The following CCDC93 variants were observed in gnomAD, a reference collection of about 807,000 sequenced individuals.
CCDC93 encodes CCC complex scaffolding subunit CCDC93.
A neutral mutation model predicts 108.2 loss-of-function variants in CCDC93; 61 were observed. The ratio of observed to expected loss-of-function variants is 0.56; its 90% CI spans 0.46 to 0.70. The LOEUF (loss-of-function observed/expected upper bound fraction) is 0.70, where lower values mean the gene tolerates loss of function less well. Ranked by LOEUF, CCDC93 falls within the 30% of genes least tolerant of loss-of-function variation. The pLI is 0.00. For missense variants in CCDC93, 685 were observed against 764.2 expected (o/e 0.90, Z 1.22); for synonymous variants, 276 against 260.4 (o/e 1.06, Z -0.58).
intron 13 of CCDC93, chr2:117,950,498 C>T: frequency 1.0e-6 from 1 of 985,434 alleles, no homozygotes; most frequent in Non-Finnish European, 1.2e-6. Context: ...CTGCAACCCT[C>T]CATGCCCAGC....
intron 6 of CCDC93, among the ~76,000 whole-genome samples, chr2:117,989,128 T>A (rs1680403085): frequency 6.6e-6 from 1 of 152,220 alleles, no homozygotes; most frequent in East Asian, 1.9e-4. Flanking sequence ...AATCAGACTT[T>A]TTGTCATTTA....
chr2:117,938,440 C>T (rs1028587673), intron 20 of CCDC93, among the ~76,000 whole-genome samples: 5 of 151,684 alleles, frequency 3.3e-5, no homozygotes, highest in Non-Finnish European at 7.4e-5. Flanking sequence ...TGCTAGATGA[C>T]GAGTTAGTGG....
chr2:117,949,067 T>C (rs539941077), intron 14 of CCDC93, among the ~76,000 whole-genome samples: 21 of 152,068 alleles, frequency 1.4e-4, no homozygotes, highest in East Asian at 5.8e-4. Context: ...TTTTGAAAAA[T>C]AGAAAAACAA....
At chr2:117,982,232 C>T (rs192195075) in intron 7 of CCDC93, among the ~76,000 whole-genome samples, 25 of 152,184 alleles carry the variant, frequency 1.6e-4, no homozygotes, top group African/African-American at 6.0e-4. Flanking sequence ...GTGCTCCAAA[C>T]CTCCTCTTGC....
rs1677794365 is a variant in CCDC93 at position 117,919,575 on chromosome 2, G to A, written c.*768C>T. On this transcript the variant is annotated 3_prime_UTR_variant, in exon 24 of 24. Transcript: ENST00000376300. ...GATGCACAGCCCCTCTGCATGCTGT[G>A]ACTCACATGAACATTGGGGCAGGGG... The A allele has an allele frequency of 2.0e-5, 3 of 152,194 alleles. No individual in the cohort carries two copies. The allele number at this position is 152,194 out of a possible 1,614,324, so 9.4% of individuals were successfully genotyped here.
At chr2:117,986,631 T>C (rs946382412) in intron 6 of CCDC93, among the ~76,000 whole-genome samples, 1 of 152,222 alleles carries the variant, frequency 6.6e-6, no homozygotes, top group Admixed American at 6.5e-5. Flanking sequence ...ATTGGAATTG[T>C]TCCCCATGGA....
chr2:117,926,654 G>A lies in CCDC93; in HGVS notation c.1842+4383C>T, dbSNP rs974688167. On this transcript the variant is annotated intron_variant, in intron 23 of 23. Coordinates refer to ENST00000376300, the MANE Select transcript of CCDC93 (RefSeq NM_019044.5). ...AGCTTACCAACCAAAAAAAGTCCAG[G>A]ACCAGATGGATTCACAGCCAAATTC... 7.6e-4 allele frequency among the ~76,000 whole-genome samples: 116 copies of A among 152,238 alleles called. 2 individuals are homozygous for A. Among genetic ancestry groups the A allele is most frequent in the Non-Finnish European group, 9.4e-4 (64 of 68,022 alleles).
intron 1 of CCDC93, among the ~76,000 whole-genome samples, chr2:118,012,311 G>C (rs1190471297): frequency 1.3e-5 from 2 of 152,020 alleles, no homozygotes; most frequent in African/African-American, 4.8e-5. Flanking sequence ...GAATTAACTG[G>C]TCTAGTGACA....
intron 13 of CCDC93, chr2:117,950,188 C>A (rs1679008855): frequency 2.0e-6 from 2 of 985,056 alleles, no homozygotes; most frequent in Middle Eastern, 5.2e-4. Context: ...GAGGTGGTAA[C>A]CCGAAATTTT....
intron 18 of CCDC93, among the ~76,000 whole-genome samples, chr2:117,943,282 G>A (rs1315210348): frequency 6.6e-6 from 1 of 152,208 alleles, no homozygotes; most frequent in Non-Finnish European, 1.5e-5. Context: ...TTAGTTATGG[G>A]ACCTGATCCA....
At position 117,920,121 on chromosome 2, in the gene CCDC93, G is replaced by A. The variant is rs561983022; in HGVS notation, c.*222C>T. On this transcript the variant is annotated 3_prime_UTR_variant, in exon 24 of 24. Transcript: ENST00000376300. The stretch of plus-strand genomic sequence containing the variant: ...ACAAGTACTCCCTATATTCTTCATA[G>A]GATGATGGGTGTTATCCAAGCCACG... 6.6e-6 allele frequency: 3 copies of A among 452,912 alleles called. No homozygotes were observed. In the South Asian group the frequency reaches 1.3e-4, roughly 20 times the overall value. The allele number at this position is 452,912 out of a possible 1,614,324, so 28.1% of individuals were successfully genotyped here.
chr2:118,002,975 C>T (rs1676752843), intron 3 of CCDC93, among the ~76,000 whole-genome samples: 1 of 152,190 alleles, frequency 6.6e-6, no homozygotes, highest in East Asian at 1.9e-4. Flanking sequence ...GCGTTTGAGG[C>T]TGCAGAGAGC....
chr2:117,916,462 C>A lies in CCDC93; in HGVS notation c.*3881G>T, dbSNP rs1353760846. The A allele has an allele frequency of 6.6e-6, 1 of 152,178 alleles. No individual in the cohort carries two copies. The highest frequency in any genetic ancestry group is 6.5e-5 in the Admixed American group (1 of 15,272). The allele number at this position is 152,178 out of a possible 1,614,324, so 9.4% of individuals were successfully genotyped here. On this transcript the variant is annotated 3_prime_UTR_variant, in exon 24 of 24. Transcript: ENST00000376300. ...GAGAGACCCTCTAAAGTTGTGAAAA[C>A]TGTTCTCAAACTAAGCATCAAGTAG...
chr2:117,940,708 G>C (rs1678674008), intron 19 of CCDC93, among the ~76,000 whole-genome samples: 1 of 152,172 alleles, frequency 6.6e-6, no homozygotes, highest in South Asian at 2.1e-4. Flanking sequence ...TGGCAGCCTT[G>C]AGGGCCATTC....
intron 7 of CCDC93, among the ~76,000 whole-genome samples, chr2:117,984,261 C>T (rs1194760055): frequency 2.0e-5 from 3 of 152,240 alleles, no homozygotes; most frequent in African/African-American, 7.2e-5. Flanking sequence ...CCACCCTAGC[C>T]GTAGAAATTA....
At position 117,946,835 on chromosome 2, in the gene CCDC93, C is replaced by G. The variant is rs1449756928; in HGVS notation, c.1272G>C (p.Glu424Asp). The change falls in exon 16 of 24, where the codon GAG (glutamate) becomes GAC (aspartate). Residue 424 changes from glutamate to aspartate, a missense_variant. Physicochemically the swap from Glu to Asp is conservative, Grantham distance 45. Coordinates refer to ENST00000376300, the MANE Select transcript of CCDC93 (RefSeq NM_019044.5). ...LQQEIENLKA[E>D]RAPRGDEKTL... ...CCTTTTCATCTCCACGTGGTGCTCT[C>G]TCAGCTTTCAGGTTTTCAATTTCTT... The G allele has an allele frequency of 6.2e-7, 1 of 1,613,696 alleles. No homozygotes were observed. Among genetic ancestry groups the G allele is most frequent in the Non-Finnish European group, 8.5e-7 (1 of 1,179,532 alleles).
intron 11 of CCDC93, among the ~76,000 whole-genome samples, chr2:117,963,331 T>C (rs1004533455): frequency 6.6e-6 from 1 of 152,210 alleles, no homozygotes; most frequent in Non-Finnish European, 1.5e-5. Context: ...CTCTTTCAGA[T>C]AACAGTTCAA....
At chr2:117,944,593 CAATGAGACATGGCTG>C in intron 17 of CCDC93, 1 of 384,606 alleles carries the variant, frequency 2.6e-6, no homozygotes, top group Non-Finnish European at 5.3e-6. Flanking sequence ...TTGAACCCAG[CAATGAGACATGGCTG>C]GATGAGACAT....
At position 117,986,031 on chromosome 2, in the gene CCDC93, C is replaced by T; in HGVS notation, c.558G>A (p.Gln186=). 6.2e-7 allele frequency: 1 copy of T among 1,613,892 alleles called. No individual in the cohort carries two copies. Among genetic ancestry groups the T allele is most frequent in the Non-Finnish European group, 8.5e-7 (1 of 1,179,804 alleles). ...YKPRRKYKRH[Q]GAEELLDEES... Reference sequence around the variant, plus strand: ...CTTCATCAAGTAGCTCCTCTGCTCCCTGGTGGCGTTTGTATTTCCGACGGG... The same window carrying T: ...CTTCATCAAGTAGCTCCTCTGCTCCTTGGTGGCGTTTGTATTTCCGACGGG... The change falls in exon 7 of 24, where the codon CAG becomes CAA. Residue 186 remains glutamine (Q), a synonymous_variant. Coordinates refer to ENST00000376300, the MANE Select transcript of CCDC93 (RefSeq NM_019044.5).
Sources: gnomAD v4.1 joint callset for allele counts (sites outside exome capture counted in the v4.1 genomes callset) on GRCh38, gnomAD v4.1.1 for gene constraint, MANE v1.5 for transcripts, NCBI Gene and HGNC (gene_info 2026-07-23, HGNC 2026-07-21) for gene names.